MPP7: variants seen among roughly 807,000 people sequenced by gnomAD.
MPP7 encodes the protein MAGUK p55 scaffold protein 7.
MPP7 carries 60 observed loss-of-function variants against 76.5 expected under a neutral mutation model. The ratio of observed to expected loss-of-function variants is 0.78; its 90% CI spans 0.64 to 0.97. The LOEUF (loss-of-function observed/expected upper bound fraction) is 0.97. Among genes scored for constraint, MPP7 ranks in the 50% least tolerant of loss-of-function variants. MPP7 has a pLI of 0.00. For missense variants in MPP7, 641 were observed against 694.0 expected, an observed-to-expected ratio of 0.92 and a Z score of 0.86; for synonymous variants, 237 against 244.5, an observed-to-expected ratio of 0.97 and a Z score of 0.29.
At chr10:28,190,347 G>T (rs1024009513) in intron 3 of MPP7, among the ~76,000 whole-genome samples, 4 of 151,960 alleles carry the variant, frequency 2.6e-5, no homozygotes, top group African/African-American at 4.8e-5. Context: ...GACATTTATG[G>T]AATACTTTAT....
intron 1 of MPP7, among the ~76,000 whole-genome samples, chr10:28,263,948 TC>T (rs1840066547): frequency 6.6e-6 from 1 of 151,948 alleles, no homozygotes; most frequent in African/African-American, 2.4e-5. Context: ...AGAGCTTCAA[TC>T]CCCAGAAAAA....
chr10:28,141,486 T>C (rs756769563), intron 5 of MPP7, among the ~76,000 whole-genome samples: 10 of 152,146 alleles, frequency 6.6e-5, no homozygotes, highest in Non-Finnish European at 1.2e-4. Flanking sequence ...GGTAAGGTGG[T>C]ATAAAATAAG....
At chr10:28,217,685 T>C (rs1317623539) in intron 2 of MPP7, among the ~76,000 whole-genome samples, 1 of 151,952 alleles carries the variant, frequency 6.6e-6, no homozygotes, top group Non-Finnish European at 1.5e-5. Flanking sequence ...ATTACTAAGA[T>C]GAGGCAGGGG....
At chr10:28,248,942 G>A (rs558696065) in intron 1 of MPP7, among the ~76,000 whole-genome samples, 8 of 152,212 alleles carry the variant, frequency 5.3e-5, no homozygotes, top group East Asian at 3.9e-4. Flanking sequence ...TCTCCCTGTC[G>A]TTAAGCAACG....
intron 12 of MPP7, among the ~76,000 whole-genome samples, chr10:28,086,056 G>A (rs887818443): frequency 3.9e-5 from 6 of 152,166 alleles, no homozygotes; most frequent in East Asian, 1.9e-4. Flanking sequence ...ACCAAACACC[G>A]CATGTTCTCA....
At chr10:28,310,237 G>A (rs1196249443) in intron 2 of MPP7, among the ~76,000 whole-genome samples, 1 of 152,092 alleles carries the variant, frequency 6.6e-6, no homozygotes, top group Non-Finnish European at 1.5e-5. Flanking sequence ...CCTGGCCTCA[G>A]GTGAGCAGCC....
At chr10:28,080,144 A>G (rs1339621672) in intron 12 of MPP7, among the ~76,000 whole-genome samples, 2 of 151,820 alleles carry the variant, frequency 1.3e-5, no homozygotes, top group Admixed American at 1.3e-4. Context: ...AAAAGAAAAG[A>G]AGGAAGGAAG....
chr10:28,252,917 T>TGGG (rs112329095), intron 1 of MPP7, among the ~76,000 whole-genome samples: 6 of 151,344 alleles, frequency 4.0e-5, no homozygotes, highest in African/African-American at 1.5e-4. Flanking sequence ...TCTTTTTTTT[T>TGGG]GGGAGGGGGG....
chr10:28,091,045 G>T (rs1322611411), intron 11 of MPP7, among the ~76,000 whole-genome samples: 1 of 152,060 alleles, frequency 6.6e-6, no homozygotes, highest in African/African-American at 2.4e-5. Flanking sequence ...TACTCGGGAG[G>T]CTGAGACAGG....
At chr10:28,320,834 T>TTG (rs752978712) in intron 2 of MPP7, among the ~76,000 whole-genome samples, 1 of 151,470 alleles carries the variant, frequency 6.6e-6, no homozygotes, top group Non-Finnish European at 1.5e-5. Context: ...TTTTGTTTGT[T>TTG]TTTTTTTTGT....
chr10:28,187,758 G>A (rs2133934050), intron 3 of MPP7, among the ~76,000 whole-genome samples: 1 of 152,144 alleles, frequency 6.6e-6, no homozygotes, highest in South Asian at 2.1e-4. Flanking sequence ...GCTTTTTGTT[G>A]CTTCTAGATT....
chr10:28,197,745 G>C (rs1427243710), intron 3 of MPP7, among the ~76,000 whole-genome samples: 1 of 152,174 alleles, frequency 6.6e-6, no homozygotes, highest in African/African-American at 2.4e-5. Context: ...AACTGGCATA[G>C]AGTATGTACC....
intron 2 of MPP7, among the ~76,000 whole-genome samples, chr10:28,322,814 C>T (rs112651569): frequency 0.014 from 2,109 of 152,232 alleles, 29 homozygotes; most frequent in Middle Eastern, 0.037. Flanking sequence ...ATTGATAAGA[C>T]CTGGTGAGAT....
intron 3 of MPP7, among the ~76,000 whole-genome samples, chr10:28,174,678 A>G (rs76803106): frequency 0.031 from 4,721 of 152,296 alleles, 90 homozygotes; most frequent in South Asian, 0.061. Flanking sequence ...AAGAAAATAC[A>G]TATACAAAGA....
chr10:28,162,808 AC>A (rs1021421429), intron 3 of MPP7, among the ~76,000 whole-genome samples: 4 of 152,062 alleles, frequency 2.6e-5, no homozygotes, highest in African/African-American at 9.7e-5. Context: ...AAACACCGTG[AC>A]TTTTGTCTTG....
chr10:28,331,819 G>T (rs1834472934), intron 1 of MPP7, among the ~76,000 whole-genome samples: 1 of 152,060 alleles, frequency 6.6e-6, no homozygotes, highest in East Asian at 1.9e-4. Context: ...AAGTGTTTCA[G>T]CCACCTCAGC....
intron 1 of MPP7, among the ~76,000 whole-genome samples, chr10:28,266,937 C>T (rs1840166543): frequency 6.6e-6 from 1 of 152,148 alleles, no homozygotes; most frequent in African/African-American, 2.4e-5. Flanking sequence ...ATATTTAATC[C>T]AAGTGTGCTA....
chr10:28,312,873 AC>A (rs1841297406), intron 2 of MPP7, among the ~76,000 whole-genome samples: 1 of 152,206 alleles, frequency 6.6e-6, no homozygotes, highest in Non-Finnish European at 1.5e-5. Context: ...TTATCTCGCC[AC>A]TTGAAAACTA....
rs778727802 is a variant in MPP7, at chr10:28,238,633, A to G, written c.-29T>C. The G allele has an allele frequency of 1.2e-6, 2 of 1,613,680 alleles. No individual in the cohort carries two copies. On this transcript the variant is annotated 5_prime_UTR_variant, in exon 2 of 17. Coordinates refer to ENST00000683449, the MANE Select transcript of MPP7 (RefSeq NM_001318170.2). ...GCAAGGTGTAGGAACAGGTCAGCCCACCGCTCTCCGGACACCCTGCCTTCG... is the reference window on the plus strand; with the variant it reads ...GCAAGGTGTAGGAACAGGTCAGCCCGCCGCTCTCCGGACACCCTGCCTTCG...
Sources: allele counts gnomAD v4.1 joint callset (sites outside exome capture counted in the v4.1 genomes callset), GRCh38; gene constraint gnomAD v4.1.1; transcripts MANE v1.5; gene names NCBI Gene and HGNC (gene_info 2026-07-23, HGNC 2026-07-21).